Variants in UGGT1 observed in about 807,000 individuals in gnomAD.
UGGT1 encodes UDP-glucose glycoprotein glucosyltransferase 1.
Under a neutral mutation model 203.9 loss-of-function variants are expected in UGGT1, and 107 were observed. The observed-to-expected ratio is 0.52, with a 90% CI of 0.45 to 0.62. The LOEUF (loss-of-function observed/expected upper bound fraction) is 0.62, where lower values mean the gene tolerates loss of function less well. Ranked by LOEUF, UGGT1 falls within the 20% of genes least tolerant of loss-of-function variation. The probability of loss-of-function intolerance (pLI) is 0.00; values close to 1 mark genes in which losing one functional copy is unlikely to be tolerated. For missense variants in UGGT1, 1,673 were observed against 1,867.2 expected (o/e 0.90, Z 1.92); for synonymous variants, 628 against 653.5 (o/e 0.96, Z 0.59).
At chr2:128,123,623 A>C (rs748846848) in intron 11 of UGGT1, among the ~76,000 whole-genome samples, 4 of 152,094 alleles carry the variant, frequency 2.6e-5, no homozygotes, top group Admixed American at 2.6e-4. Context: ...GTGTGGTTTA[A>C]CTTTCTTTCA....
rs1288986019 is a variant in UGGT1, at chr2:128,092,889, TA to T, written c.58+1476del. Among the ~76,000 whole-genome samples the T allele has an allele frequency of 4.8e-4, 73 of 152,210 alleles. 1 individual carries two copies. Among genetic ancestry groups the T allele is most frequent in the Admixed American group, 4.8e-3 (73 of 15,278 alleles). On this transcript the variant is annotated intron_variant, in intron 1 of 40. Coordinates refer to ENST00000259253, the MANE Select transcript of UGGT1 (RefSeq NM_020120.4). ...CTGTTTATTCATCATGCCGCAAGTA[TA>T]ATGCTTATCATGCAAAGCCACATGG... is the stretch of plus-strand genomic sequence containing the variant.
chr2:128,172,666 G>C lies in UGGT1; in HGVS notation c.3198G>C (p.Gln1066His), dbSNP rs1472962167. 1.2e-6 allele frequency: 2 copies of C among 1,614,112 alleles called. No individual in the cohort carries two copies. Among genetic ancestry groups the C allele is most frequent in the Admixed American group, 3.3e-5 (2 of 60,012 alleles). The change falls in exon 29 of 41, where the codon CAG becomes CAC. Residue 1066 changes from glutamine (Q) to histidine (H), a missense_variant. Around this residue, in one of 4 missense-constraint regions of UGGT1, gnomAD observed 513 missense variants for 684.1 expected, o/e 0.75. Transcript: ENST00000259253. ...GPIAKFLDMP[Q>H]SPLFTLNLNT... is the part of the protein sequence containing the mutation. ...TCGCAAAATTTTTGGATATGCCTCA[G>C]TCTCCACTGTTCACTCTGAATTTGA...
intron 13 of UGGT1, among the ~76,000 whole-genome samples, chr2:128,130,589 A>G (rs1029620350): frequency 2.6e-5 from 4 of 152,204 alleles, no homozygotes; most frequent in Non-Finnish European, 4.4e-5. Context: ...ACCCATCATC[A>G]TGCTTACTAA....
intron 8 of UGGT1, 62 bp from the exon 9 acceptor site, chr2:128,120,294 T>C (rs558417448): frequency 2.4e-5 from 36 of 1,528,232 alleles, no homozygotes; most frequent in Non-Finnish European, 3.0e-5. Flanking sequence ...GTTGGTTTAC[T>C]TCTTCTTATG....
intron 27 of UGGT1, 69 bp downstream of exon 27, chr2:128,170,459 A>G: frequency 1.4e-6 from 2 of 1,414,058 alleles, no homozygotes; most frequent in Admixed American, 3.5e-5. Flanking sequence ...AAATTCACTG[A>G]GAGCTTCGTT....
In UGGT1 at chr2:128,129,145, A is replaced by G; in HGVS notation, c.1343A>G (p.Asp448Gly). The change falls in exon 13 of 41, where the codon GAC (aspartate) becomes GGC (glycine). Residue 448 changes from aspartate (D) to glycine (G), a missense_variant. Asp to Gly is a moderately conservative substitution (Grantham distance 94). Around this residue, in one of 4 missense-constraint regions of UGGT1, gnomAD observed 1,073 missense variants for 1,078.7 expected, o/e 0.99. Coordinates refer to ENST00000259253, the MANE Select transcript of UGGT1 (RefSeq NM_020120.4). ...LKLNIQPSEA[D>G]YAVDIRSPAI... is the part of the protein sequence containing the mutation. ...CTGAACATCCAGCCCTCTGAGGCAGACTATGCCGTAGACATCCGGAGTCCT... is the reference window on the plus strand; with the variant it reads ...CTGAACATCCAGCCCTCTGAGGCAGGCTATGCCGTAGACATCCGGAGTCCT... 1 of 1,613,722 alleles carries G rather than the reference A, an allele frequency of 6.2e-7. No homozygotes were observed. The highest frequency in any genetic ancestry group is 1.1e-5 in the South Asian group (1 of 90,980).
chr2:128,151,180 G>T, intron 18 of UGGT1: 2 of 501,898 alleles, frequency 4.0e-6, no homozygotes, highest in South Asian at 1.7e-5. Flanking sequence ...TGCAGCCAGG[G>T]GTCCCTTCCC....
chr2:128,182,404 A>G, intron 37 of UGGT1, 114 bp downstream of exon 37: 2 of 1,326,984 alleles, frequency 1.5e-6, no homozygotes, highest in Non-Finnish European at 2.0e-6. Flanking sequence ...TAAAAATGAT[A>G]AAAAATACAC....
Position 128,174,666 on chromosome 2 carries a change from A to T in UGGT1, c.3454-107A>T. 6 of 959,920 alleles carry T rather than the reference A, an allele frequency of 6.3e-6. 1 individual carries two copies. In the South Asian group the frequency reaches 9.3e-5, roughly 15 times the overall value. 59.5% of individuals were successfully genotyped at this position (959,920 alleles called of 1,614,324 possible). ...GTTGCATTGATTTGTTTACTGTGTT[A>T]TTCACATTATAGTTGATTGATATTT... On this transcript the variant is annotated intron_variant, in intron 30 of 40. Coordinates refer to ENST00000259253, the MANE Select transcript of UGGT1 (RefSeq NM_020120.4).
chr2:128,107,359 G>A (rs2105354662), intron 3 of UGGT1, among the ~76,000 whole-genome samples: 2 of 151,828 alleles, frequency 1.3e-5, no homozygotes, highest in East Asian at 3.9e-4. Context: ...AATTTCATTA[G>A]TATTCTTTAA....
chr2:128,161,291 T>C (rs762700076), intron 25 of UGGT1, 23 bp downstream of exon 25: 6 of 1,610,500 alleles, frequency 3.7e-6, no homozygotes, highest in Non-Finnish European at 5.1e-6. Flanking sequence ...ATAGGAGGAA[T>C]TACAGGGGTT....
In UGGT1 at chr2:128,173,874, C is replaced by G. The variant is rs1481932591; in HGVS notation, c.3388C>G (p.Leu1130Val). 1 of 1,614,166 alleles carries G rather than the reference C, an allele frequency of 6.2e-7. No individual in the cohort carries two copies. Among genetic ancestry groups the G allele is most frequent in the East Asian group, 2.2e-5 (1 of 44,882 alleles). Residue 1130 changes from leucine (L) to valine (V), a missense_variant, in exon 30 of 41, where the codon CTA (leucine) becomes GTA (valine). Leu to Val is a conservative substitution (Grantham distance 32, BLOSUM62 1). Coordinates refer to ENST00000259253, the MANE Select transcript of UGGT1 (RefSeq NM_020120.4). ...CACCACAGGCCAGCCTCCACGGGGA[C>G]TACAGTTTACCTTAGGAACTTCAGC... ...DITTGQPPRG[L>V]QFTLGTSANP...
At chr2:128,111,186 C>A (rs1241548939) in intron 5 of UGGT1, among the ~76,000 whole-genome samples, 2 of 152,106 alleles carry the variant, frequency 1.3e-5, no homozygotes, top group African/African-American at 4.8e-5. Flanking sequence ...GACCCAGTTT[C>A]TCCAAAAAGT....
chr2:128,171,172 C>G, intron 27 of UGGT1, 33 bp from the exon 28 acceptor site: 3 of 1,580,920 alleles, frequency 1.9e-6, no homozygotes, highest in Non-Finnish European at 2.6e-6. Context: ...AGAAAAAAAT[C>G]CTAAATATTT....
intron 8 of UGGT1, among the ~76,000 whole-genome samples, chr2:128,119,947 CTTTTTTTTTTT>C (rs1188941415): frequency 6.9e-6 from 1 of 144,868 alleles, no homozygotes; most frequent in Non-Finnish European, 1.5e-5. Context: ...TTCTTTTTTT[CTTTTTTTTTTT>C]AAGAGACAAG....
chr2:128,123,337 A>G (rs1416043866), intron 11 of UGGT1, 91 bp downstream of exon 11: 26 of 1,064,194 alleles, frequency 2.4e-5, no homozygotes, highest in Non-Finnish European at 3.3e-5. Context: ...TAACAGTGTC[A>G]CTCTTCTTTT....
At chr2:128,135,041 A>C (rs1422648535) in intron 15 of UGGT1, 80 bp downstream of exon 15, 2 of 1,219,660 alleles carry the variant, frequency 1.6e-6, no homozygotes, top group Non-Finnish European at 2.4e-6. Context: ...GTCTGGTGCT[A>C]CTGAGTTGTA....
chr2:128,152,758 C>CT (rs1558798301), intron 18 of UGGT1, 26 bp from the exon 19 acceptor site: 1 of 1,585,876 alleles, frequency 6.3e-7, no homozygotes, highest in East Asian at 2.3e-5. Context: ...ACCCTCCCCC[C>CT]TCAACCTCCT....
At chr2:128,155,024 C>T (rs1490477451) in intron 19 of UGGT1, among the ~76,000 whole-genome samples, 1 of 152,178 alleles carries the variant, frequency 6.6e-6, no homozygotes, top group Non-Finnish European at 1.5e-5. Flanking sequence ...CCTTTTATTT[C>T]TGTTAAGGGT....
Sources: allele counts gnomAD v4.1 joint callset (sites outside exome capture counted in the v4.1 genomes callset), GRCh38; gene constraint gnomAD v4.1.1; regional missense constraint gnomAD v4.1.1; transcripts MANE v1.5; gene names NCBI Gene and HGNC (gene_info 2026-07-23, HGNC 2026-07-21).